COL4A2: variants seen among roughly 807,000 people sequenced by gnomAD.
The protein encoded by COL4A2 is collagen alpha-2(IV) chain.
COL4A2 carries 99 observed loss-of-function variants against 200.2 expected under a neutral mutation model. The ratio of observed to expected loss-of-function variants is 0.49; its 90% confidence interval spans 0.42 to 0.58. COL4A2 has a LOEUF of 0.58. COL4A2 is among the 20% of genes least tolerant of loss of function. The probability of loss-of-function intolerance (pLI) is 0.00; values close to 1 mark genes in which losing one functional copy is unlikely to be tolerated. For missense variants in COL4A2, 1,950 were observed against 2,314.1 expected, an observed-to-expected ratio of 0.84 and a Z score of 3.23; for synonymous variants, 897 against 900.6, an observed-to-expected ratio of 1.00 and a Z score of 0.07.
chr13:110,386,402 G>A (rs1878752157), intron 4 of COL4A2, among the ~76,000 whole-genome samples: 1 of 152,164 alleles, frequency 6.6e-6, no homozygotes, highest in African/African-American at 2.4e-5. Flanking sequence ...CCACAGTGCT[G>A]GAAAAGTAGG....
chr13:110,463,532 C>A (rs1342775217), intron 24 of COL4A2, among the ~76,000 whole-genome samples: 2 of 152,164 alleles, frequency 1.3e-5, no homozygotes, highest in Non-Finnish European at 2.9e-5. Flanking sequence ...CATTCCATAA[C>A]CCATGTCTTC....
At chr13:110,432,644 A>G (rs1316463552) in intron 11 of COL4A2, among the ~76,000 whole-genome samples, 1 of 152,240 alleles carries the variant, frequency 6.6e-6, no homozygotes, top group African/African-American at 2.4e-5. Context: ...ATTTGATTGA[A>G]ACGAAGATTA....
intron 16 of COL4A2, among the ~76,000 whole-genome samples, chr13:110,440,778 G>A (rs1881091422): frequency 6.6e-6 from 1 of 152,192 alleles, no homozygotes; most frequent in South Asian, 2.1e-4. Flanking sequence ...TCCTACGGCA[G>A]GCCCGGCAGG....
At chr13:110,498,878 C>T (rs937530812) in intron 40 of COL4A2, among the ~76,000 whole-genome samples, 1 of 152,184 alleles carries the variant, frequency 6.6e-6, no homozygotes, top group Non-Finnish European at 1.5e-5. Context: ...GGACGGTGTC[C>T]CCGGCTTCCA....
chr13:110,316,471 C>T (rs1007749741), intron 3 of COL4A2, among the ~76,000 whole-genome samples: 2 of 152,198 alleles, frequency 1.3e-5, no homozygotes, highest in African/African-American at 4.8e-5. Context: ...GGCCCTCCTT[C>T]CCGCTCTGTC....
At chr13:110,490,136 C>T (rs1883239436) in intron 36 of COL4A2, among the ~76,000 whole-genome samples, 1 of 152,124 alleles carries the variant, frequency 6.6e-6, no homozygotes, top group Non-Finnish European at 1.5e-5. Context: ...TGGTCGCTGA[C>T]CCGAGCTTCT....
chr13:110,423,219 A>G (rs1484116327), intron 4 of COL4A2, among the ~76,000 whole-genome samples: 2 of 151,994 alleles, frequency 1.3e-5, no homozygotes, highest in Non-Finnish European at 2.9e-5. Flanking sequence ...CTATAATACA[A>G]TAGTTAGTTC....
At chr13:110,437,654 T>C (rs1407147769) in intron 13 of COL4A2, among the ~76,000 whole-genome samples, 1 of 152,194 alleles carries the variant, frequency 6.6e-6, no homozygotes. Context: ...GAAGAGTATT[T>C]TCATTAAGGC....
chr13:110,364,243 C>T (rs2139395155), intron 4 of COL4A2, among the ~76,000 whole-genome samples: 1 of 152,358 alleles, frequency 6.6e-6, no homozygotes, highest in East Asian at 1.9e-4. Context: ...CTACACATAG[C>T]TCTCACTCAC....
intron 4 of COL4A2, among the ~76,000 whole-genome samples, chr13:110,393,040 C>T (rs974120985): frequency 4.6e-5 from 7 of 152,180 alleles, no homozygotes; most frequent in Non-Finnish European, 8.8e-5. Context: ...CGAACAGCTG[C>T]GAAGTATTGT....
chr13:110,436,902 C>T lies in COL4A2; in HGVS notation c.825+535C>T, dbSNP rs562189381. Among the ~76,000 whole-genome samples the T allele has an allele frequency of 7.1e-5, 9 of 127,292 alleles. No homozygotes were observed. In the South Asian group the frequency reaches 2.0e-3, roughly 29 times the overall value. The allele number at this position is 127,292 out of a possible 152,430, so 83.5% of individuals were successfully genotyped here. On this transcript the variant is annotated intron_variant, in intron 13 of 47. Coordinates refer to ENST00000360467, the MANE Select transcript of COL4A2 (RefSeq NM_001846.4). The stretch of plus-strand genomic sequence containing the variant: ...TCTACGTTTGGAGGCTGCTGTGCCA[C>T]CCACCCACTCGGAGGTCCCACAGCC...
chr13:110,417,595 T>G (rs1880091374), intron 4 of COL4A2, among the ~76,000 whole-genome samples: 2 of 152,302 alleles, frequency 1.3e-5, no homozygotes, highest in Middle Eastern at 3.4e-3. Context: ...CCCCAGAAAC[T>G]TTCCTTGTGC....
chr13:110,486,043 C>G (rs565491533), intron 34 of COL4A2, among the ~76,000 whole-genome samples: 1 of 151,728 alleles, frequency 6.6e-6, no homozygotes, highest in African/African-American at 2.4e-5. Context: ...AACCGGCTGC[C>G]GTGGCCCTTC....
chr13:110,425,500 T>C (rs892462811), intron 6 of COL4A2, among the ~76,000 whole-genome samples: 2 of 152,218 alleles, frequency 1.3e-5, no homozygotes, highest in African/African-American at 4.8e-5. Flanking sequence ...TAGTTTACTT[T>C]ACTTCTCGTG....
At chr13:110,365,537 A>C (rs947637384) in intron 4 of COL4A2, among the ~76,000 whole-genome samples, 1 of 152,178 alleles carries the variant, frequency 6.6e-6, no homozygotes, top group Non-Finnish European at 1.5e-5. Flanking sequence ...GACCTTGGGT[A>C]GGGCACATGA....
At chr13:110,324,842 C>T (rs1885365509) in intron 3 of COL4A2, among the ~76,000 whole-genome samples, 1 of 152,192 alleles carries the variant, frequency 6.6e-6, no homozygotes, top group African/African-American at 2.4e-5. Context: ...TGAGGACCAC[C>T]CTACGCTTGC....
At chr13:110,490,039 A>G (rs1329385631) in intron 36 of COL4A2, among the ~76,000 whole-genome samples, 1 of 152,182 alleles carries the variant, frequency 6.6e-6, no homozygotes, top group African/African-American at 2.4e-5. Context: ...CCCTCGGTGG[A>G]TGAGAATCAC....
intron 37 of COL4A2, 128 bp from the exon 38 acceptor site, chr13:110,491,942 T>C (rs1883298203): frequency 5.7e-6 from 4 of 701,938 alleles, no homozygotes; most frequent in Admixed American, 3.1e-5. Flanking sequence ...TAATCTCTCC[T>C]CCAACTGGCA....
chr13:110,332,309 C>A (rs932227819), intron 3 of COL4A2, among the ~76,000 whole-genome samples: 1 of 152,152 alleles, frequency 6.6e-6, no homozygotes, highest in Non-Finnish European at 1.5e-5. Context: ...CATTTAAAAC[C>A]GCGGGATCTC....
Sources: allele counts gnomAD v4.1 joint callset (sites outside exome capture counted in the v4.1 genomes callset), GRCh38; gene constraint gnomAD v4.1.1; transcripts MANE v1.5; gene names NCBI Gene and HGNC (gene_info 2026-07-23, HGNC 2026-07-21).